The following AAGAB variants were observed in gnomAD, a reference collection of about 807,000 sequenced individuals.
The protein encoded by AAGAB is alpha- and gamma-adaptin-binding protein p34.
In AAGAB, 38 loss-of-function variants were observed where a neutral mutation model predicts 44.1. The observed-to-expected ratio is 0.86, with a 90% CI of 0.67 to 1.13. The LOEUF (loss-of-function observed/expected upper bound fraction) is 1.13. Ranked by LOEUF, AAGAB falls within the 50% of genes most tolerant of loss-of-function variation. AAGAB has a pLI of 0.00. For synonymous variants in AAGAB, 131 were observed against 131.8 expected (o/e 0.99, Z 0.04); for missense variants, 450 against 373.8 (o/e 1.20, Z -1.68).
chr15:67,227,925 AACTAATGCAC>A (rs1255980095), intron 5 of AAGAB, among the ~76,000 whole-genome samples: 1 of 152,220 alleles, frequency 6.6e-6, no homozygotes, highest in Non-Finnish European at 1.5e-5. Context: ...GTTAACAGCA[AACTAATGCAC>A]CAGTACTGTC....
In AAGAB at chr15:67,254,549, ATC is replaced by A. The variant is rs1485288477; in HGVS notation, c.73+8_73+9del. On this transcript the variant is annotated splice_region_variant and intron_variant, in intron 1 of 9. Transcript: ENST00000261880. ...GCCTTGGAGGTCGGCCCAGGCGCCTATCTACTCACGTTGGACCAGCTGGTCTC... is the reference window on the plus strand; with the variant it reads ...GCCTTGGAGGTCGGCCCAGGCGCCTATACTCACGTTGGACCAGCTGGTCTC... 6.2e-7 allele frequency: 1 copy of A among 1,603,448 alleles called. No homozygotes were observed. The highest frequency in any genetic ancestry group is 1.7e-5 in the Admixed American group (1 of 58,988).
At chr15:67,212,757 T>C (rs1963853746) in intron 5 of AAGAB, among the ~76,000 whole-genome samples, 1 of 152,256 alleles carries the variant, frequency 6.6e-6, no homozygotes, top group African/African-American at 2.4e-5. Context: ...AAAACTTAGA[T>C]GATATTTTAT....
chr15:67,254,871 G>C, upstream of AAGAB: 1 of 1,611,414 alleles, frequency 6.2e-7, no homozygotes, highest in Non-Finnish European at 8.5e-7. Flanking sequence ...GCGCCTCCGC[G>C]GAGGTAGCCG....
At position 67,203,531 on chromosome 15, in the gene AAGAB, C is replaced by T; in HGVS notation, c.870+17G>A. 6.2e-7 allele frequency: 1 copy of T among 1,611,594 alleles called. No homozygotes were observed. The highest frequency in any genetic ancestry group is 8.5e-7 in the Non-Finnish European group (1 of 1,178,438). ...CCTTTTATAGGTATTCAATAAATAC[C>T]TGGCTGATTGTCTCACCTTTTCTGC... On this transcript the variant is annotated intron_variant, in intron 9 of 9. Transcript: ENST00000261880.
chr15:67,205,343 G>A (rs1963661690), intron 7 of AAGAB, among the ~76,000 whole-genome samples: 1 of 152,170 alleles, frequency 6.6e-6, no homozygotes, highest in South Asian at 2.1e-4. Flanking sequence ...TTCGTTCAAT[G>A]GACATGTCAT....
intron 1 of AAGAB, among the ~76,000 whole-genome samples, chr15:67,249,058 C>T (rs1387636527): frequency 2.0e-5 from 3 of 151,350 alleles, no homozygotes; most frequent in Non-Finnish European, 4.4e-5. Context: ...TTTTTAAGAC[C>T]GGGTCTCACT....
chr15:67,246,973 A>G (rs1327789642), intron 1 of AAGAB, among the ~76,000 whole-genome samples: 1 of 152,202 alleles, frequency 6.6e-6, no homozygotes, highest in Non-Finnish European at 1.5e-5. Context: ...TGCTCTTTAC[A>G]ATAAATCTTG....
intron 4 of AAGAB, chr15:67,232,504 GA>G: frequency 2.9e-6 from 1 of 348,194 alleles, no homozygotes; most frequent in South Asian, 2.7e-5. Context: ...CTACTTCAGT[GA>G]AAACAAATGG....
chr15:67,202,902 T>C lies in AAGAB; in HGVS notation c.871-4A>G, dbSNP rs200562710. 3.5e-5 allele frequency: 57 copies of C among 1,613,918 alleles called. No individual in the cohort carries two copies. Among genetic ancestry groups the C allele is most frequent in the Non-Finnish European group, 4.7e-5 (56 of 1,179,910 alleles). On this transcript the variant is annotated splice_polypyrimidine_tract_variant and splice_region_variant and intron_variant, in intron 9 of 9. Coordinates refer to ENST00000261880, the MANE Select transcript of AAGAB (RefSeq NM_024666.5). ...CCATCCAGAATGCTTTGGCCACCTG[T>C]GGAGAGAAGCATGCAACAAATTTTA...
chr15:67,212,123 C>A (rs918812357), intron 5 of AAGAB, among the ~76,000 whole-genome samples: 1 of 152,132 alleles, frequency 6.6e-6, no homozygotes. Flanking sequence ...CCTCGTGATG[C>A]GCCCGCCTTG....
chr15:67,245,710 G>C (rs1384085791), intron 1 of AAGAB, among the ~76,000 whole-genome samples: 2 of 152,166 alleles, frequency 1.3e-5, no homozygotes, highest in East Asian at 3.8e-4. Flanking sequence ...AATATTTTAG[G>C]TACTTAGAAC....
intron 5 of AAGAB, among the ~76,000 whole-genome samples, chr15:67,216,020 G>A (rs568089713): frequency 6.6e-6 from 1 of 152,142 alleles, no homozygotes; most frequent in African/African-American, 2.4e-5. Context: ...CACATATCAA[G>A]AATGGTTTCT....
intron 5 of AAGAB, among the ~76,000 whole-genome samples, chr15:67,215,848 A>G (rs1008259767): frequency 1.3e-5 from 2 of 152,188 alleles, no homozygotes; most frequent in African/African-American, 4.8e-5. Flanking sequence ...GAATCAATTT[A>G]TTCTTTTTCA....
intron 5 of AAGAB, among the ~76,000 whole-genome samples, chr15:67,224,500 C>T (rs1238589246): frequency 6.6e-6 from 1 of 152,144 alleles, no homozygotes; most frequent in Non-Finnish European, 1.5e-5. Context: ...ACTATTTTCA[C>T]CTTTCCCTAT....
At chr15:67,223,546 C>T (rs887786533) in intron 5 of AAGAB, among the ~76,000 whole-genome samples, 6 of 152,098 alleles carry the variant, frequency 3.9e-5, no homozygotes, top group African/African-American at 1.4e-4. Flanking sequence ...CCTTTTCTTA[C>T]CCCTTTCATT....
intron 5 of AAGAB, among the ~76,000 whole-genome samples, chr15:67,223,043 C>G (rs1964119481): frequency 1.3e-5 from 2 of 152,214 alleles, no homozygotes; most frequent in Non-Finnish European, 2.9e-5. Flanking sequence ...TTCACTTTTG[C>G]TTCCCGAATA....
At chr15:67,229,150 A>C (rs556807148) in intron 5 of AAGAB, among the ~76,000 whole-genome samples, 38 of 152,274 alleles carry the variant, frequency 2.5e-4, no homozygotes, top group Admixed American at 1.5e-3. Context: ...TAAAGGTTGG[A>C]GGGCCAGGCG....
At chr15:67,206,665 T>G (rs1170646582) in intron 7 of AAGAB, among the ~76,000 whole-genome samples, 1 of 152,222 alleles carries the variant, frequency 6.6e-6, no homozygotes, top group African/African-American at 2.4e-5. Flanking sequence ...AATACTATAT[T>G]AATCTACTTT....
chr15:67,254,617 T>A lies in AAGAB; in HGVS notation c.15A>T (p.Val5=). 8.1e-6 allele frequency: 13 copies of A among 1,604,902 alleles called. No individual in the cohort carries two copies. The highest frequency in any genetic ancestry group is 1.0e-5 in the Non-Finnish European group (12 of 1,177,694). Residue 5 remains valine, a synonymous_variant, in exon 1 of 10, where the codon GTA becomes GTT. Transcript: ENST00000261880. ...AGCAGCTGGTGACTAACGCACAGGG[T>A]ACGCCAGCAGCCATAGCTGCGCTCG... MAAG[V]PCALVTSCSS...
Sources: allele counts gnomAD v4.1 joint callset (sites outside exome capture counted in the v4.1 genomes callset), GRCh38; gene constraint gnomAD v4.1.1; transcripts MANE v1.5; gene names NCBI Gene and HGNC (gene_info 2026-07-23, HGNC 2026-07-21).